The following RNPC3 variants were observed in gnomAD, a reference collection of about 807,000 sequenced individuals.
RNPC3 encodes the protein RNA binding region (RNP1, RRM) containing 3, also known as RNA-binding region-containing protein 3.
A neutral mutation model predicts 67.5 loss-of-function variants in RNPC3; 48 were observed. That is an observed-to-expected ratio of 0.71 (90% CI 0.56 to 0.90). RNPC3 has a LOEUF of 0.90. Ranked by LOEUF, RNPC3 falls within the 40% of genes least tolerant of loss-of-function variation. The probability of loss-of-function intolerance (pLI) is 0.00; values close to 1 mark genes in which losing one functional copy is unlikely to be tolerated. For missense variants in RNPC3, 637 were observed against 626.1 expected (o/e 1.02, Z -0.19); for synonymous variants, 239 against 210.3 (o/e 1.14, Z -1.18).
chr1:103,549,321 T>A (rs1441687332), intron 12 of RNPC3, among the ~76,000 whole-genome samples: 1 of 152,204 alleles, frequency 6.6e-6, no homozygotes, highest in Non-Finnish European at 1.5e-5. Flanking sequence ...GTGACACCAA[T>A]ACTTTACAAA....
chr1:103,541,853 C>G lies in RNPC3; in HGVS notation c.893+378C>G, dbSNP rs1272707406. Among the ~76,000 whole-genome samples the G allele has an allele frequency of 2.0e-5, 3 of 151,974 alleles. No individual in the cohort carries two copies. The East Asian group carries it at 5.8e-4, about 29-fold the overall frequency. ...TGTAATATATTAGTGAATAATGTCA[C>G]TAATATAAACATCAGTGTGTTTATA... On this transcript the variant is annotated intron_variant, in intron 8 of 14. Transcript: ENST00000423855.
intron 2 of RNPC3, among the ~76,000 whole-genome samples, chr1:103,529,170 C>A (rs987719511): frequency 6.6e-6 from 1 of 152,012 alleles, no homozygotes; most frequent in Non-Finnish European, 1.5e-5. Context: ...GAACTATACA[C>A]CAAAATGTTA....
Position 103,527,693 on chromosome 1 carries a change from A to G in RNPC3, c.193-2A>G, listed in dbSNP as rs1650752856. 1 of 1,546,796 alleles carries G rather than the reference A, an allele frequency of 6.5e-7. No homozygotes were observed. The highest frequency in any genetic ancestry group is 1.4e-5 in the African/African-American group (1 of 72,906). ...GTAATTTGTACCTTAACTCTGTTTC[A>G]GAAACATACAGCTTTTGCCACATTC... On this transcript the variant is annotated splice_acceptor_variant, in intron 1 of 14. Coordinates refer to ENST00000423855, the MANE Select transcript of RNPC3 (RefSeq NM_017619.4). LOFTEE classifies it high-confidence loss of function.
At chr1:103,537,837 A>AT (rs1488891676) in intron 7 of RNPC3, among the ~76,000 whole-genome samples, 1 of 151,238 alleles carries the variant, frequency 6.6e-6, no homozygotes, top group African/African-American at 2.4e-5. Context: ...CTTTTTATTT[A>AT]TTATTATTAT....
rs1387730045 is a variant in RNPC3, at chr1:103,533,857, G to A, written c.359G>A (p.Arg120Lys). 1.7e-5 allele frequency: 23 copies of A among 1,360,282 alleles called. No individual in the cohort carries two copies. The highest frequency in any genetic ancestry group is 2.2e-5 in the Non-Finnish European group (22 of 990,642). The allele number at this position is 1,360,282 out of a possible 1,614,324, so 84.3% of individuals were successfully genotyped here. Residue 120 changes from arginine to lysine, a missense_variant and splice_region_variant, in exon 3 of 15, where the codon AGG (arginine) becomes AAG (lysine). Arg to Lys is a conservative substitution (Grantham distance 26). Transcript: ENST00000423855. Reference protein sequence around the residue: ...CPTSGSEKKKRSDDPVEDDKE... With the variant: ...CPTSGSEKKKKSDDPVEDDKE... ...ACTTCAGGCTCTGAAAAAAAAAAAA[G>A]GTATGTAGATCAGTAAATCATACAT...
At chr1:103,535,234 C>A in intron 4 of RNPC3, 96 bp from the exon 5 acceptor site, 1 of 726,330 alleles carries the variant, frequency 1.4e-6, no homozygotes, top group Non-Finnish European at 2.3e-6. Context: ...AGTACTGTAT[C>A]ATTTGAGCAG....
chr1:103,527,430 T>C (rs546151025), intron 1 of RNPC3, among the ~76,000 whole-genome samples: 1 of 152,354 alleles, frequency 6.6e-6, no homozygotes, highest in Admixed American at 6.5e-5. Context: ...AACAGGTCTT[T>C]AAACTTTTGG....
chr1:103,553,551 G>A (rs1054209528), intron 14 of RNPC3: 1 of 152,094 alleles, frequency 6.6e-6, no homozygotes, highest in African/African-American at 2.4e-5. Context: ...GAAAGTTAGT[G>A]AATCAGGTCA....
intron 14 of RNPC3, chr1:103,553,783 TAG>T (rs1168121602): frequency 6.6e-6 from 1 of 152,244 alleles, no homozygotes; most frequent in Non-Finnish European, 1.5e-5. Context: ...ATGTAAATTC[TAG>T]AGAGTAGCAG....
chr1:103,533,865 G>A lies in RNPC3; in HGVS notation c.359+8G>A. On this transcript the variant is annotated splice_region_variant and intron_variant, in intron 3 of 14. Coordinates refer to ENST00000423855, the MANE Select transcript of RNPC3 (RefSeq NM_017619.4). ...CTCTGAAAAAAAAAAAAGGTATGTA[G>A]ATCAGTAAATCATACATTTTTGTTA... 7.8e-7 allele frequency: 1 copy of A among 1,276,750 alleles called. No individual in the cohort carries two copies. The highest frequency in any genetic ancestry group is 1.1e-6 in the Non-Finnish European group (1 of 913,886). The allele number at this position is 1,276,750 out of a possible 1,614,324, so 79.1% of individuals were successfully genotyped here.
chr1:103,530,355 A>G (rs947356377), intron 2 of RNPC3, among the ~76,000 whole-genome samples: 4 of 152,194 alleles, frequency 2.6e-5, no homozygotes, highest in Admixed American at 2.6e-4. Flanking sequence ...AGTTAGGGTT[A>G]TATTTGAACA....
chr1:103,535,049 A>G (rs1017402204), intron 4 of RNPC3, among the ~76,000 whole-genome samples, 192 bp downstream of exon 4: 8 of 152,002 alleles, frequency 5.3e-5, no homozygotes, highest in Admixed American at 4.6e-4. Context: ...AATGTCATGC[A>G]TATTTTTAAT....
At chr1:103,545,259 T>A (rs1490966133) in intron 10 of RNPC3, 157 bp downstream of exon 10, 5 of 573,524 alleles carry the variant, frequency 8.7e-6, no homozygotes, top group Admixed American at 3.7e-5. Context: ...CTGTTTTTTT[T>A]AAATACTCAT....
Position 103,550,971 on chromosome 1 carries a change from T to C in RNPC3, c.1392T>C (p.Arg464=), listed in dbSNP as rs772995419. 6.2e-7 allele frequency: 1 copy of C among 1,611,326 alleles called. No homozygotes were observed. Among genetic ancestry groups the C allele is most frequent in the East Asian group, 2.2e-5 (1 of 44,792 alleles). The part of the protein sequence containing the change: ...MFDIRLMKEG[R]MKGQAFIGLP... ...ATATACGTTTGATGAAAGAAGGTCG[T>C]ATGAAAGGACAAGCTTTCATTGGAC... is the stretch of plus-strand genomic sequence containing the variant. The change falls in exon 13 of 15, where the codon CGT becomes CGC. Residue 464 remains arginine (R), a synonymous_variant. Coordinates refer to ENST00000423855, the MANE Select transcript of RNPC3 (RefSeq NM_017619.4).
chr1:103,554,924 T>A (rs545615893), intron 14 of RNPC3, 110 bp from the exon 15 acceptor site: 1 of 152,362 alleles, frequency 6.6e-6, no homozygotes, highest in African/African-American at 2.4e-5. Flanking sequence ...TTTGTTATAC[T>A]GACATGATTC....
At position 103,546,300 on chromosome 1, in the gene RNPC3, T is replaced by C; in HGVS notation, c.1260T>C (p.Cys420=). The C allele has an allele frequency of 6.8e-7, 1 of 1,479,422 alleles. No homozygotes were observed. Among genetic ancestry groups the C allele is most frequent in the Non-Finnish European group, 8.9e-7 (1 of 1,122,224 alleles). The allele number at this position is 1,479,422 out of a possible 1,614,324, so 91.6% of individuals were successfully genotyped here. The change falls in exon 11 of 15, where the codon TGT becomes TGC. Residue 420 remains cysteine, a synonymous_variant. Transcript: ENST00000423855. ...GTTATGAACCGGGTGAACCAAACTG[T>C]AGAATTTATGTAAAGAATTTAGCTA... ...FRSYEPGEPN[C]RIYVKNLAKH...
At chr1:103,530,541 G>T (rs1203297498) in intron 2 of RNPC3, among the ~76,000 whole-genome samples, 2 of 152,106 alleles carry the variant, frequency 1.3e-5, no homozygotes, top group African/African-American at 4.8e-5. Flanking sequence ...AGCAGGAGTG[G>T]GAGTGATCAT....
chr1:103,534,807 A>G lies in RNPC3; in HGVS notation c.393A>G (p.Lys131=). 1 of 1,532,980 alleles carries G rather than the reference A, an allele frequency of 6.5e-7. No homozygotes were observed. Among genetic ancestry groups the G allele is most frequent in the Non-Finnish European group, 8.7e-7 (1 of 1,144,880 alleles). 95.0% of individuals were successfully genotyped at this position (1,532,980 alleles called of 1,614,324 possible). Residue 131 remains lysine (K), a synonymous_variant, in exon 4 of 15, where the codon AAA becomes AAG. Coordinates refer to ENST00000423855, the MANE Select transcript of RNPC3 (RefSeq NM_017619.4). ...SDDPVEDDKE[K]KELGYLTVEN... Reference sequence around the variant, plus strand: ...ACCCTGTCGAAGATGATAAAGAAAAAAAAGAACTTGGTTATTTAACAGTAG... The same window carrying G: ...ACCCTGTCGAAGATGATAAAGAAAAGAAAGAACTTGGTTATTTAACAGTAG...
intron 14 of RNPC3, 175 bp from the exon 15 acceptor site, chr1:103,554,859 A>T (rs1433336828): frequency 6.6e-6 from 1 of 152,548 alleles, no homozygotes; most frequent in Admixed American, 6.5e-5. Flanking sequence ...ATAGTTAAAA[A>T]GATTTTGTAA....
Sources: allele counts gnomAD v4.1 joint callset (sites outside exome capture counted in the v4.1 genomes callset), GRCh38; gene constraint gnomAD v4.1.1; transcripts MANE v1.5; gene names NCBI Gene and HGNC (gene_info 2026-07-23, HGNC 2026-07-21).